The following NEXMIF variants were observed in gnomAD, a reference collection of about 807,000 sequenced individuals.
The protein encoded by NEXMIF is XLMR protein related to neurite extension.
In NEXMIF, 8 loss-of-function variants were observed where a neutral mutation model predicts 62.1. The ratio of observed to expected loss-of-function variants is 0.13; its 90% CI spans 0.08 to 0.23. The LOEUF (loss-of-function observed/expected upper bound fraction) is 0.23. Ranked by LOEUF, NEXMIF falls within the 10% of genes least tolerant of loss-of-function variation. NEXMIF has a pLI of 1.00. For missense variants in NEXMIF, 976 were observed against 1,113.3 expected (o/e 0.88, Z 1.75); for synonymous variants, 404 against 416.6 (o/e 0.97, Z 0.37).
At chrX:74,794,939 T>C (rs2080301419) in intron 1 of NEXMIF, among the ~76,000 whole-genome samples, 2 of 111,833 alleles carry the variant, frequency 1.8e-5, no homozygotes, top group South Asian at 7.6e-4. Flanking sequence ...CCGTCTTCTG[T>C]GTTGCTCACG....
chrX:74,855,382 C>A (rs1413031981), intron 1 of NEXMIF, among the ~76,000 whole-genome samples: 1 of 112,029 alleles, frequency 8.9e-6, no homozygotes, highest in East Asian at 2.8e-4. Context: ...GAAACTGGAT[C>A]CCTATCCCTC....
intron 1 of NEXMIF, among the ~76,000 whole-genome samples, chrX:74,851,767 A>C (rs1467755301): frequency 8.9e-6 from 1 of 111,915 alleles, no homozygotes; most frequent in Non-Finnish European, 1.9e-5. Flanking sequence ...GACACTATCT[A>C]CTATCACAAA....
intron 1 of NEXMIF, among the ~76,000 whole-genome samples, chrX:74,811,585 C>G (rs1245681191): frequency 8.9e-6 from 1 of 112,703 alleles, no homozygotes; most frequent in Non-Finnish European, 1.9e-5. Context: ...TAGCAACTGT[C>G]ACACAGTCTA....
At position 74,742,338 on chromosome X, in the gene NEXMIF, C is replaced by T; in HGVS notation, c.2219G>A (p.Ser740Asn). ...SKKVKAAGQE[S>N]KPIVQMSPLL... ...AGGGCTCATTTGAACAATTGGCTTG[C>T]TTTCTTGCCCAGCAGCTTTGACTTT... Residue 740 changes from serine to asparagine, a missense_variant, in exon 3 of 4, where the codon AGC becomes AAC. By Grantham distance (46) the Ser-to-Asn change is conservative. Around this residue, in one of 5 missense-constraint regions of NEXMIF, gnomAD observed 639 missense variants for 694.5 expected, o/e 0.92. Coordinates refer to ENST00000055682, the MANE Select transcript of NEXMIF (RefSeq NM_001008537.3). 1 of 1,211,092 alleles carries T rather than the reference C, an allele frequency of 8.3e-7. No individual in the cohort carries two copies. The highest frequency in any genetic ancestry group is 1.1e-6 in the Non-Finnish European group (1 of 894,926).
At chrX:74,796,657 G>C (rs2080312981) in intron 1 of NEXMIF, among the ~76,000 whole-genome samples, 1 of 110,610 alleles carries the variant, frequency 9.0e-6, no homozygotes, top group Non-Finnish European at 1.9e-5. Context: ...ATTCCTAATG[G>C]CTAAAGCAGG....
At chrX:74,846,727 C>T (rs1003713963) in intron 1 of NEXMIF, among the ~76,000 whole-genome samples, 2 of 112,286 alleles carry the variant, frequency 1.8e-5, no homozygotes, top group Admixed American at 1.9e-4. Context: ...TTATAAATAT[C>T]TATCATGTAT....
chrX:74,794,657 G>A (rs935305526), intron 1 of NEXMIF, among the ~76,000 whole-genome samples: 9 of 112,264 alleles, frequency 8.0e-5, no homozygotes, highest in Non-Finnish European at 1.5e-4. Context: ...CTCCAAGCCA[G>A]GTGCGGGATA....
At chrX:74,795,591 T>G (rs1001945081) in intron 1 of NEXMIF, among the ~76,000 whole-genome samples, 9 of 111,709 alleles carry the variant, frequency 8.1e-5, no homozygotes, top group African/African-American at 2.9e-4. Flanking sequence ...GTGATGGAAC[T>G]CTTCTGTATG....
At chrX:74,787,309 T>C (rs2080264183) in intron 1 of NEXMIF, among the ~76,000 whole-genome samples, 1 of 104,431 alleles carries the variant, frequency 9.6e-6, no homozygotes, top group Non-Finnish European at 2.0e-5. Context: ...AAAAAAAAGA[T>C]TGAAGCTATG....
At chrX:74,797,011 T>A (rs1004576482) in intron 1 of NEXMIF, among the ~76,000 whole-genome samples, 2 of 112,025 alleles carry the variant, frequency 1.8e-5, no homozygotes, top group Non-Finnish European at 3.8e-5. Flanking sequence ...TTAAAGGCTA[T>A]TATGTGCGCC....
chrX:74,749,731 T>C (rs1343836089), intron 1 of NEXMIF, among the ~76,000 whole-genome samples: 3 of 111,303 alleles, frequency 2.7e-5, no homozygotes, highest in East Asian at 2.8e-4. Context: ...ATTCTCTGTA[T>C]TCTCAAAGAA....
chrX:74,823,401 T>A (rs775138225), intron 1 of NEXMIF, among the ~76,000 whole-genome samples: 9 of 111,451 alleles, frequency 8.1e-5, no homozygotes, highest in Non-Finnish European at 1.7e-4. Context: ...TCTATACTCT[T>A]CAAAAAAGTC....
At chrX:74,919,298 A>G (rs1250301360) in intron 1 of NEXMIF, among the ~76,000 whole-genome samples, 1 of 111,614 alleles carries the variant, frequency 9.0e-6, no homozygotes, top group Non-Finnish European at 1.9e-5. Context: ...GAATCATTTC[A>G]GGGGTTCTTC....
At chrX:74,794,330 C>G (rs1182768071) in intron 1 of NEXMIF, among the ~76,000 whole-genome samples, 24 of 105,227 alleles carry the variant, frequency 2.3e-4, no homozygotes, top group South Asian at 4.7e-4. Flanking sequence ...GCAGTCTGCC[C>G]GTTCTCAGAT....
Position 74,825,225 on chromosome X carries a change from G to A in NEXMIF, c.-47-79528C>T, listed in dbSNP as rs778567027. Among the ~76,000 whole-genome samples the A allele has an allele frequency of 2.0e-3, 217 of 111,110 alleles. 1 individual carries two copies. The highest frequency in any genetic ancestry group is 6.7e-3 in the African/African-American group (206 of 30,546). ...TGAGAATTGCCTATTCAGGTCCCTT[G>A]CCCATTTAAAAAAACTTTTACTTTA... On this transcript the variant is annotated intron_variant, in intron 1 of 3. Coordinates refer to ENST00000055682, the MANE Select transcript of NEXMIF (RefSeq NM_001008537.3).
chrX:74,733,315 C>A lies in NEXMIF; in HGVS notation c.*6090G>T, dbSNP rs1040441123. ...CTTTCCCCTTATGTTATGTTTATCT[C>A]GAAATGTAATTTTACATGTTAAATC... On this transcript the variant is annotated 3_prime_UTR_variant, in exon 4 of 4. Coordinates refer to ENST00000055682, the MANE Select transcript of NEXMIF (RefSeq NM_001008537.3). 1 of 112,025 alleles carries A rather than the reference C, an allele frequency of 8.9e-6. No individual in the cohort carries two copies. The highest frequency in any genetic ancestry group is 3.2e-5 in the African/African-American group (1 of 30,808). 9.2% of individuals were successfully genotyped at this position (112,025 alleles called of 1,213,427 possible). A position where few individuals can be genotyped will look rare whatever the true frequency, so the allele number is the denominator to read the frequency against.
At chrX:74,848,684 T>A (rs2080502229) in intron 1 of NEXMIF, among the ~76,000 whole-genome samples, 3 of 111,900 alleles carry the variant, frequency 2.7e-5, no homozygotes, top group African/African-American at 9.7e-5. Flanking sequence ...TAGGTCTTGG[T>A]AAAAAAAATG....
intron 1 of NEXMIF, among the ~76,000 whole-genome samples, chrX:74,864,932 C>T (rs983380497): frequency 2.7e-5 from 3 of 111,624 alleles, no homozygotes; most frequent in African/African-American, 6.5e-5. Context: ...TGGTCTTGAA[C>T]TCCTGACCTC....
intron 1 of NEXMIF, among the ~76,000 whole-genome samples, chrX:74,787,344 T>G (rs1225039073): frequency 9.0e-6 from 1 of 110,522 alleles, no homozygotes; most frequent in East Asian, 2.9e-4. Context: ...CCTTCTCTAC[T>G]TGATCAATAC....
Sources: gnomAD v4.1 joint callset for allele counts (sites outside exome capture counted in the v4.1 genomes callset) on GRCh38, gnomAD v4.1.1 for gene constraint, gnomAD v4.1.1 regional missense constraint, MANE v1.5 for transcripts, NCBI Gene and HGNC (gene_info 2026-07-23, HGNC 2026-07-21) for gene names.